YWHAH: variants seen among roughly 807,000 people sequenced by gnomAD.
YWHAH encodes the protein tyrosine 3-monooxygenase/tryptophan 5-monooxygenase activation protein eta.
Under a neutral mutation model 22.9 loss-of-function variants are expected in YWHAH, and 6 were observed. That is an observed-to-expected ratio of 0.26 (90% CI 0.14 to 0.52). YWHAH has a LOEUF of 0.52. Among genes scored for constraint, YWHAH ranks in the 20% least tolerant of loss-of-function variants. The probability of loss-of-function intolerance (pLI) is 0.97; values close to 1 mark genes in which losing one functional copy is unlikely to be tolerated. For synonymous variants in YWHAH, 135 were observed against 124.5 expected (o/e 1.08, Z -0.56); for missense variants, 173 against 308.6 (o/e 0.56, Z 3.29).
intron 1 of YWHAH, among the ~76,000 whole-genome samples, chr22:31,950,857 T>C (rs529162317): frequency 6.6e-6 from 1 of 152,268 alleles, no homozygotes; most frequent in East Asian, 1.9e-4. Context: ...TTCCTAAGCA[T>C]TAACTTGGGA....
intron 1 of YWHAH, chr22:31,945,115 G>C (rs1487043078): frequency 2.8e-6 from 3 of 1,074,932 alleles, no homozygotes; most frequent in Non-Finnish European, 3.4e-6. Flanking sequence ...AACCCGGCCG[G>C]GGGCAGAGGG....
intron 1 of YWHAH, among the ~76,000 whole-genome samples, chr22:31,949,089 TTATG>T (rs1406676035): frequency 2.0e-5 from 3 of 152,046 alleles, no homozygotes; most frequent in Non-Finnish European, 4.4e-5. Context: ...CCCTAACGTT[TTATG>T]TGTGTGTGTG....
At chr22:31,949,422 G>A (rs1312290869) in intron 1 of YWHAH, among the ~76,000 whole-genome samples, 3 of 152,080 alleles carry the variant, frequency 2.0e-5, no homozygotes, top group Non-Finnish European at 2.9e-5. Context: ...GGGATTACAG[G>A]CGTGAGCCAC....
chr22:31,947,394 C>T (rs747795211), intron 1 of YWHAH: 1 of 468,238 alleles, frequency 2.1e-6, no homozygotes, highest in Non-Finnish European at 4.4e-6. Context: ...TTTTCTGTTT[C>T]CTTCATAATT....
In YWHAH at chr22:31,944,790, C is replaced by T; in HGVS notation, c.57C>T (p.Arg19=). 1 of 1,419,820 alleles carries T rather than the reference C, an allele frequency of 7.0e-7. No homozygotes were observed. The highest frequency in any genetic ancestry group is 2.4e-5 in the Admixed American group (1 of 42,134). The allele number at this position is 1,419,820 out of a possible 1,614,324, so 88.0% of individuals were successfully genotyped here. ...CGCGGCTGGCCGAGCAGGCGGAGCG[C>T]TACGACGACATGGCCTCCGCTATGA... ...QRARLAEQAE[R]YDDMASAMKA... is the part of the protein sequence containing the mutation. Residue 19 remains arginine (R), a synonymous_variant, in exon 1 of 2, where the codon CGC becomes CGT. Coordinates refer to ENST00000248975, the MANE Select transcript of YWHAH (RefSeq NM_003405.4).
rs1366972566 is a variant in YWHAH at position 31,956,461 on chromosome 22, T to C, written c.410T>C (p.Val137Ala). 1 of 1,614,016 alleles carries C rather than the reference T, an allele frequency of 6.2e-7. No homozygotes were observed. Among genetic ancestry groups the C allele is most frequent in the African/African-American group, 1.3e-5 (1 of 74,922 alleles). ...GATTACTACCGCTACTTAGCAGAGG[T>C]CGCTTCTGGGGAGAAGAAAAACAGT... is the stretch of plus-strand genomic sequence containing the variant. ...KGDYYRYLAE[V>A]ASGEKKNSVV... The change falls in exon 2 of 2, where the codon GTC becomes GCC. Residue 137 changes from valine (V) to alanine (A), a missense_variant. Val to Ala is a moderately conservative substitution (Grantham distance 64, BLOSUM62 0). Coordinates refer to ENST00000248975, the MANE Select transcript of YWHAH (RefSeq NM_003405.4). This position sits in a 1 kb window ranked among gnomAD's most constrained non-coding sequence, Gnocchi z 5.1.
chr22:31,944,791 T>C lies in YWHAH; in HGVS notation c.58T>C (p.Tyr20His). The C allele has an allele frequency of 7.0e-7, 1 of 1,419,122 alleles. No individual in the cohort carries two copies. The highest frequency in any genetic ancestry group is 9.3e-7 in the Non-Finnish European group (1 of 1,080,612). The allele number at this position is 1,419,122 out of a possible 1,614,324, so 87.9% of individuals were successfully genotyped here. A position where few individuals can be genotyped will look rare whatever the true frequency, so the allele number is the denominator to read the frequency against. The change falls in exon 1 of 2, where the codon TAC becomes CAC. Residue 20 changes from tyrosine to histidine, a missense_variant. Tyr to His is a moderately conservative substitution (Grantham distance 83). Coordinates refer to ENST00000248975, the MANE Select transcript of YWHAH (RefSeq NM_003405.4). ...GCGGCTGGCCGAGCAGGCGGAGCGC[T>C]ACGACGACATGGCCTCCGCTATGAA... ...RARLAEQAER[Y>H]DDMASAMKAV...
intron 1 of YWHAH, among the ~76,000 whole-genome samples, chr22:31,946,618 G>C (rs1011241348): frequency 6.6e-6 from 1 of 152,152 alleles, no homozygotes; most frequent in South Asian, 2.1e-4. Flanking sequence ...TGGAGGTTAA[G>C]GAAAAATGGC....
In YWHAH at chr22:31,945,085, G is replaced by T. The variant is rs536219169; in HGVS notation, c.87+265G>T. On this transcript the variant is annotated intron_variant, in intron 1 of 1. Coordinates refer to ENST00000248975, the MANE Select transcript of YWHAH (RefSeq NM_003405.4). ...CCGGAAGGGGGGCGGGCCGGTCGGG[G>T]TCGCCACATCTTAGTTCGGAACCCG... 2.8e-5 allele frequency: 31 copies of T among 1,093,784 alleles called. No individual in the cohort carries two copies. In the African/African-American group the frequency reaches 5.0e-4, roughly 18 times the overall value. The allele number at this position is 1,093,784 out of a possible 1,614,324, so 67.8% of individuals were successfully genotyped here.
chr22:31,949,657 A>T (rs1603051585), intron 1 of YWHAH, among the ~76,000 whole-genome samples: 1 of 152,196 alleles, frequency 6.6e-6, no homozygotes, highest in East Asian at 1.9e-4. Context: ...GCCACCTTCC[A>T]TGTGTACATT....
Position 31,956,710 on chromosome 22 carries a change from C to G in YWHAH, c.659C>G (p.Thr220Arg). 6.2e-7 allele frequency: 1 copy of G among 1,613,912 alleles called. No individual in the cohort carries two copies. Among genetic ancestry groups the G allele is most frequent in the Non-Finnish European group, 8.5e-7 (1 of 1,179,926 alleles). Residue 220 changes from threonine to arginine, a missense_variant, in exon 2 of 2, where the codon ACG (threonine) becomes AGG (arginine). By Grantham distance (71) the Thr-to-Arg change is moderately conservative. Transcript: ENST00000248975. This position sits in a 1 kb window ranked among gnomAD's most constrained non-coding sequence, Gnocchi z 5.1. ...TLNEDSYKDS[T>R]LIMQLLRDNL... ...AACGAGGATTCCTATAAGGACTCCA[C>G]GCTGATCATGCAGTTGCTGCGAGAC...
In YWHAH at chr22:31,956,489, G is replaced by C; in HGVS notation, c.438G>C (p.Val146=). The change falls in exon 2 of 2, where the codon GTG becomes GTC. Residue 146 remains valine, a synonymous_variant. Coordinates refer to ENST00000248975, the MANE Select transcript of YWHAH (RefSeq NM_003405.4). This position sits in a 1 kb window ranked among gnomAD's most constrained non-coding sequence, Gnocchi z 5.1. The part of the protein sequence containing the change: ...EVASGEKKNS[V]VEASEAAYKE... ...CTTCTGGGGAGAAGAAAAACAGTGT[G>C]GTCGAAGCTTCTGAAGCTGCCTACA... The C allele has an allele frequency of 1.2e-6, 2 of 1,614,146 alleles. No homozygotes were observed. Among genetic ancestry groups the C allele is most frequent in the Non-Finnish European group, 1.7e-6 (2 of 1,180,012 alleles).
chr22:31,952,467 T>G (rs2093844603), intron 1 of YWHAH, among the ~76,000 whole-genome samples: 1 of 152,256 alleles, frequency 6.6e-6, no homozygotes, highest in Non-Finnish European at 1.5e-5. Context: ...TTTAGTTATC[T>G]GGTCAAGTAG....
intron 1 of YWHAH, among the ~76,000 whole-genome samples, chr22:31,953,513 A>G (rs1323979270): frequency 6.6e-6 from 1 of 152,210 alleles, no homozygotes; most frequent in Non-Finnish European, 1.5e-5. Flanking sequence ...GATGTGGGCA[A>G]AAAAAGACTA....
intron 1 of YWHAH, chr22:31,945,197 T>C: frequency 2.7e-6 from 3 of 1,116,892 alleles, no homozygotes; most frequent in Non-Finnish European, 3.3e-6. Flanking sequence ...CCCCCTCTCG[T>C]CTTCCTCCGT....
At chr22:31,945,504 G>A in intron 1 of YWHAH, 1 of 1,304,136 alleles carries the variant, frequency 7.7e-7, no homozygotes. Context: ...TTCTAGGTGA[G>A]ACGAATCTGT....
intron 1 of YWHAH, among the ~76,000 whole-genome samples, chr22:31,952,924 T>C (rs1416361411): frequency 2.6e-5 from 4 of 152,350 alleles, no homozygotes; most frequent in African/African-American, 7.2e-5. Context: ...CTAATCCTGC[T>C]TATTTTACTT....
intron 1 of YWHAH, 91 bp downstream of exon 1, chr22:31,944,911 C>T: frequency 8.7e-7 from 1 of 1,155,724 alleles, no homozygotes; most frequent in Non-Finnish European, 1.1e-6. Context: ...CCCTCCCGGC[C>T]ATGGGCGACC....
At chr22:31,948,065 A>G (rs1479523086) in intron 1 of YWHAH, among the ~76,000 whole-genome samples, 1 of 152,194 alleles carries the variant, frequency 6.6e-6, no homozygotes, top group East Asian at 1.9e-4. Context: ...ATATATATAG[A>G]AATCTTTTTT....
Sources: allele counts gnomAD v4.1 joint callset (sites outside exome capture counted in the v4.1 genomes callset), GRCh38; gene constraint gnomAD v4.1.1; non-coding constraint Gnocchi (gnomAD v3.1); transcripts MANE v1.5; gene names NCBI Gene and HGNC (gene_info 2026-07-23, HGNC 2026-07-21).